The following PDGFRL variants were observed in gnomAD, a reference collection of about 807,000 sequenced individuals.
The protein encoded by PDGFRL is platelet-derived growth factor receptor-like protein.
A neutral mutation model predicts 37.2 loss-of-function variants in PDGFRL; 46 were observed. The observed-to-expected ratio is 1.24, with a 90% CI of 0.98 to 1.58. The LOEUF (loss-of-function observed/expected upper bound fraction) is 1.58. Ranked by LOEUF, PDGFRL falls within the 40% of genes most tolerant of loss-of-function variation. The probability of loss-of-function intolerance (pLI) is 0.00; values close to 1 mark genes in which losing one functional copy is unlikely to be tolerated. For missense variants in PDGFRL, 692 were observed against 467.6 expected (o/e 1.48, Z -4.43); for synonymous variants, 251 against 184.3 (o/e 1.36, Z -2.93).
chr8:17,624,503 G>T (rs1445400466), intron 3 of PDGFRL, among the ~76,000 whole-genome samples: 1 of 151,826 alleles, frequency 6.6e-6, no homozygotes, highest in Non-Finnish European at 1.5e-5. Context: ...AAGCAAACAG[G>T]CACATGTAAC....
intron 5 of PDGFRL, 70 bp from the exon 6 acceptor site, chr8:17,642,543 T>C (rs1805156694): frequency 2.3e-6 from 2 of 888,708 alleles, no homozygotes; most frequent in African/African-American, 1.6e-5. Flanking sequence ...CTCAACAGTG[T>C]TGGGTGAGTG....
intron 2 of PDGFRL, among the ~76,000 whole-genome samples, chr8:17,608,834 C>T (rs2588119): frequency 0.25 from 38,617 of 151,968 alleles, 5,317 homozygotes; most frequent in African/African-American, 0.34. Flanking sequence ...TGTGAGCAGG[C>T]GTTGGTGAGG....
intron 2 of PDGFRL, among the ~76,000 whole-genome samples, chr8:17,616,236 C>A (rs1804524466): frequency 6.6e-6 from 1 of 151,888 alleles, no homozygotes; most frequent in African/African-American, 2.4e-5. Context: ...TGCTCTGTCA[C>A]CAGGCCGGAG....
intron 3 of PDGFRL, among the ~76,000 whole-genome samples, 188 bp from the exon 4 acceptor site, chr8:17,628,299 T>C (rs973820054): frequency 1.3e-5 from 2 of 152,042 alleles, no homozygotes; most frequent in African/African-American, 4.8e-5. Flanking sequence ...CAGCCTTCTG[T>C]TTTCTTTAAG....
intron 2 of PDGFRL, among the ~76,000 whole-genome samples, chr8:17,599,295 C>T (rs1030553710): frequency 1.3e-5 from 2 of 152,164 alleles, no homozygotes; most frequent in African/African-American, 4.8e-5. Context: ...TCCCTCACTG[C>T]CCCAAACTCT....
intron 3 of PDGFRL, among the ~76,000 whole-genome samples, chr8:17,626,059 A>G (rs1804727845): frequency 6.6e-6 from 1 of 152,226 alleles, no homozygotes. Flanking sequence ...TTATTCGACT[A>G]ATGGCTCTGC....
At chr8:17,584,580 A>C (rs1803775885) in intron 1 of PDGFRL, among the ~76,000 whole-genome samples, 1 of 152,136 alleles carries the variant, frequency 6.6e-6, no homozygotes, top group African/African-American at 2.4e-5. Flanking sequence ...AAACCAAGGC[A>C]GCACAGGGTC....
chr8:17,585,662 CCTTTA>C (rs1803799867), intron 1 of PDGFRL, among the ~76,000 whole-genome samples: 1 of 152,020 alleles, frequency 6.6e-6, no homozygotes, highest in African/African-American at 2.4e-5. Context: ...TGGCCTTTCC[CCTTTA>C]CTGCCCATCA....
chr8:17,580,961 G>A (rs1436444927), intron 1 of PDGFRL, among the ~76,000 whole-genome samples: 14 of 25,640 alleles, frequency 5.5e-4, no homozygotes, highest in Middle Eastern at 0.05. Context: ...TTTCATACGT[G>A]TGTGTGTGTG....
chr8:17,603,799 G>A (rs1343824176), intron 2 of PDGFRL, among the ~76,000 whole-genome samples: 2 of 152,152 alleles, frequency 1.3e-5, no homozygotes, highest in Non-Finnish European at 2.9e-5. Context: ...GTTAGCAAGT[G>A]CCTTGCTAAC....
At chr8:17,606,895 T>G (rs1258084811) in intron 2 of PDGFRL, among the ~76,000 whole-genome samples, 11 of 1,470 alleles carry the variant, frequency 7.5e-3, no homozygotes, top group Admixed American at 0.056. Flanking sequence ...TGTTTTTTTG[T>G]TTTTTTTTTT....
At chr8:17,632,790 C>G (rs1804889791) in intron 4 of PDGFRL, among the ~76,000 whole-genome samples, 1 of 152,154 alleles carries the variant, frequency 6.6e-6, no homozygotes. Context: ...CCCAGCCCTC[C>G]TCCACTCCGC....
chr8:17,604,576 G>A (rs1464118594), intron 2 of PDGFRL, among the ~76,000 whole-genome samples: 1 of 151,936 alleles, frequency 6.6e-6, no homozygotes, highest in Non-Finnish European at 1.5e-5. Context: ...CACATACCGG[G>A]GACTGTTGTG....
At chr8:17,635,084 T>C (rs1290479840) in intron 5 of PDGFRL, among the ~76,000 whole-genome samples, 1 of 152,218 alleles carries the variant, frequency 6.6e-6, no homozygotes, top group Non-Finnish European at 1.5e-5. Context: ...AACTAGAGTC[T>C]AATCTAACCT....
intron 3 of PDGFRL, among the ~76,000 whole-genome samples, chr8:17,623,767 A>C (rs529765320): frequency 4.3e-4 from 66 of 151,936 alleles, no homozygotes; most frequent in Admixed American, 9.2e-4. Flanking sequence ...CCAGCTGCTC[A>C]GGAGGCTGAA....
intron 2 of PDGFRL, among the ~76,000 whole-genome samples, chr8:17,613,292 C>T (rs570749125): frequency 2.0e-4 from 31 of 152,210 alleles, no homozygotes; most frequent in East Asian, 3.9e-4. Flanking sequence ...AGGGGATATA[C>T]GCTTCTCATT....
At position 17,642,829 on chromosome 8, in the gene PDGFRL, T is replaced by C. The variant is rs776981314; in HGVS notation, c.*28T>C. ...TGGAAAAGGAAATGTAATGAACTTA[T>C]GGAAAGCCCATTTGTGTACACAGTC... On this transcript the variant is annotated 3_prime_UTR_variant, in exon 6 of 6. Transcript: ENST00000251630. 7.0e-5 allele frequency: 102 copies of C among 1,459,826 alleles called. No homozygotes were observed. Among genetic ancestry groups the C allele is most frequent in the Non-Finnish European group, 9.5e-5 (99 of 1,042,880 alleles). The allele number at this position is 1,459,826 out of a possible 1,614,324, so 90.4% of individuals were successfully genotyped here.
chr8:17,595,461 A>T (rs1278020032), intron 2 of PDGFRL, among the ~76,000 whole-genome samples: 2 of 151,962 alleles, frequency 1.3e-5, no homozygotes, highest in East Asian at 3.9e-4. Flanking sequence ...ATCCCGTAGG[A>T]TCTCTAAAAC....
chr8:17,589,280 G>A (rs1374961482), intron 1 of PDGFRL, among the ~76,000 whole-genome samples, 188 bp from the exon 2 acceptor site: 1 of 152,012 alleles, frequency 6.6e-6, no homozygotes, highest in South Asian at 2.1e-4. Context: ...CAGCTACTCA[G>A]GGTGCTCAGG....
Sources: gnomAD v4.1 joint callset for allele counts (sites outside exome capture counted in the v4.1 genomes callset) on GRCh38, gnomAD v4.1.1 for gene constraint, MANE v1.5 for transcripts, NCBI Gene and HGNC (gene_info 2026-07-23, HGNC 2026-07-21) for gene names.